USP43: variants seen among roughly 807,000 people sequenced by gnomAD.
The protein encoded by USP43 is ubiquitin carboxyl-terminal hydrolase 43.
USP43 carries 33 observed loss-of-function variants against 90.7 expected under a neutral mutation model. The observed-to-expected ratio is 0.36, with a 90% CI of 0.28 to 0.49. USP43 has a LOEUF of 0.49. USP43 is among the 20% of genes least tolerant of loss of function. The pLI, the probability that USP43 is intolerant of heterozygous loss-of-function variation, is 0.98. For synonymous variants in USP43, 598 were observed against 615.8 expected (o/e 0.97, Z 0.43); for missense variants, 1,274 against 1,476.4 (o/e 0.86, Z 2.25).
chr17:9,654,142 A>G (rs1436216165), intron 1 of USP43, among the ~76,000 whole-genome samples: 1 of 152,212 alleles, frequency 6.6e-6, no homozygotes, highest in Non-Finnish European at 1.5e-5. Context: ...GGGTTGCCAG[A>G]TGAAAAATAT....
chr17:9,680,201 C>T, intron 5 of USP43, 30 bp from the exon 6 acceptor site: 1 of 1,604,474 alleles, frequency 6.2e-7, no homozygotes, highest in Non-Finnish European at 8.5e-7. Flanking sequence ...TTTCAGAAAT[C>T]AAGAGGGAAA....
intron 1 of USP43, among the ~76,000 whole-genome samples, chr17:9,650,935 G>A (rs750501846): frequency 2.6e-5 from 4 of 152,092 alleles, no homozygotes; most frequent in Non-Finnish European, 4.4e-5. Context: ...GTGCACCCGA[G>A]CAATGGACAC....
Position 9,659,856 on chromosome 17 carries a change from C to T in USP43, c.636+3322C>T, listed in dbSNP as rs188997760. Among the ~76,000 whole-genome samples the T allele has an allele frequency of 3.7e-3, 563 of 152,224 alleles. 8 individuals are homozygous for T. The highest frequency in any genetic ancestry group is 0.029 in the Admixed American group (449 of 15,292). On this transcript the variant is annotated intron_variant, in intron 2 of 14. Coordinates refer to ENST00000285199, the MANE Select transcript of USP43 (RefSeq NM_153210.5). ...TTCAACACTGTTGGATGTTTGTGGC[C>T]GTTTGATTCTTTTCTGAGAACGGCT...
chr17:9,657,260 A>G (rs999305813), intron 2 of USP43, among the ~76,000 whole-genome samples: 4 of 152,152 alleles, frequency 2.6e-5, no homozygotes, highest in Non-Finnish European at 4.4e-5. Context: ...TAATCCCAGC[A>G]CTTTGGAAGG....
chr17:9,654,051 A>G (rs1249333869), intron 1 of USP43, among the ~76,000 whole-genome samples: 1 of 152,130 alleles, frequency 6.6e-6, no homozygotes, highest in Non-Finnish European at 1.5e-5. Context: ...GGTTTTAGAG[A>G]TTTTGAGTTG....
chr17:9,665,518 C>T (rs1010349032), intron 2 of USP43, among the ~76,000 whole-genome samples: 9 of 152,062 alleles, frequency 5.9e-5, no homozygotes, highest in East Asian at 1.9e-4. Flanking sequence ...CTCACTAACA[C>T]GAGAACAGCA....
At chr17:9,706,237 A>G (rs1435857435) in intron 12 of USP43, among the ~76,000 whole-genome samples, 1 of 152,170 alleles carries the variant, frequency 6.6e-6, no homozygotes, top group Non-Finnish European at 1.5e-5. Flanking sequence ...TTAATGTACT[A>G]TGAGATTCAC....
Position 9,681,462 on chromosome 17 carries a change from T to TTTTTTATATA in USP43, c.1105+1097_1105+1098insTTTTATATAT, listed in dbSNP as rs1491455898. ...TATAGATAAATATATATAAAATATA[T>TTTTTTATATA]TATATATATATATATATATATATAT... On this transcript the variant is annotated intron_variant, in intron 6 of 14. Transcript: ENST00000285199. Among the ~76,000 whole-genome samples the TTTTTTATATA allele has an allele frequency of 4.6e-3, 86 of 18,574 alleles. 3 individuals are homozygous for TTTTTTATATA. The highest frequency in any genetic ancestry group is 0.015 in the East Asian group (4 of 272). 12.2% of individuals were successfully genotyped at this position (18,574 alleles called of 152,430 possible).
chr17:9,693,182 A>T lies in USP43; in HGVS notation c.1409A>T (p.Tyr470Phe). Residue 470 changes from tyrosine (Y) to phenylalanine (F), a missense_variant, in exon 9 of 15, where the codon TAT becomes TTT. Around this residue, in one of 6 missense-constraint regions of USP43, gnomAD observed 253 missense variants for 276.0 expected, o/e 0.92. Coordinates refer to ENST00000285199, the MANE Select transcript of USP43 (RefSeq NM_153210.5). The stretch of plus-strand genomic sequence containing the variant: ...GTGGGACTCTCTGTGGCCTGCAGCT[A>T]TTTGTCTCCGAAGGACAGTCGGCCC... ...RVVGLSVACS[Y>F]LSPKDSRPLC... 1.2e-6 allele frequency: 2 copies of T among 1,613,488 alleles called. No individual in the cohort carries two copies. The highest frequency in any genetic ancestry group is 1.7e-6 in the Non-Finnish European group (2 of 1,179,788).
At chr17:9,656,980 T>C (rs1208907784) in intron 2 of USP43, among the ~76,000 whole-genome samples, 1 of 152,204 alleles carries the variant, frequency 6.6e-6, no homozygotes, top group African/African-American at 2.4e-5. Flanking sequence ...TTTTTACACA[T>C]GTGCATTTAG....
intron 14 of USP43, among the ~76,000 whole-genome samples, chr17:9,715,711 CTGTG>C (rs1311500880): frequency 3.6e-4 from 38 of 105,580 alleles, no homozygotes; most frequent in East Asian, 8.4e-4. Flanking sequence ...GTGTGTGTCT[CTGTG>C]TGTGTATGTG....
chr17:9,667,917 G>A (rs1913151969), intron 3 of USP43, among the ~76,000 whole-genome samples: 1 of 152,152 alleles, frequency 6.6e-6, no homozygotes, highest in Non-Finnish European at 1.5e-5. Context: ...TAAAATTTGG[G>A]AAGTTGGGCT....
At chr17:9,703,571 C>T (rs978519174) in intron 12 of USP43, among the ~76,000 whole-genome samples, 1 of 152,146 alleles carries the variant, frequency 6.6e-6, no homozygotes, top group Non-Finnish European at 1.5e-5. Context: ...CACCACCTGC[C>T]AGGAAAGAGC....
In USP43 at chr17:9,728,292, T is replaced by C. The variant is rs763785346; in HGVS notation, c.2674T>C (p.Cys892Arg). 1 of 1,613,122 alleles carries C rather than the reference T, an allele frequency of 6.2e-7. No individual in the cohort carries two copies. The highest frequency in any genetic ancestry group is 1.1e-5 in the South Asian group (1 of 90,886). The change falls in exon 15 of 15, where the codon TGT (cysteine) becomes CGT (arginine). Residue 892 changes from cysteine (C) to arginine (R), a missense_variant. Cys to Arg is a radical substitution (Grantham distance 180, BLOSUM62 -3). Coordinates refer to ENST00000285199, the MANE Select transcript of USP43 (RefSeq NM_153210.5). This position sits in a 1 kb window ranked among gnomAD's most constrained non-coding sequence, Gnocchi z 6.2. The part of the protein sequence containing the change: ...AIERGPAGVP[C>R]PSAQPNHCLA... Reference sequence around the variant, plus strand: ...TGAAAGAGGTCCAGCCGGGGTGCCCTGTCCCTCGGCTCAACCCAACCACTG... The same window carrying C: ...TGAAAGAGGTCCAGCCGGGGTGCCCCGTCCCTCGGCTCAACCCAACCACTG...
In USP43 at chr17:9,701,067, C is replaced by A. The variant is rs1915535514; in HGVS notation, c.1536-52C>A. The A allele has an allele frequency of 2.1e-6, 3 of 1,436,650 alleles. No homozygotes were observed. The highest frequency in any genetic ancestry group is 2.7e-6 in the Non-Finnish European group (3 of 1,092,426). The allele number at this position is 1,436,650 out of a possible 1,614,324, so 89.0% of individuals were successfully genotyped here. Reference sequence around the variant, plus strand: ...GCTGTGAGTAGAGACATAGACGAAACCTGTCTGGGAGCAGGAAAGTCCTGA... The same window carrying A: ...GCTGTGAGTAGAGACATAGACGAAAACTGTCTGGGAGCAGGAAAGTCCTGA... On this transcript the variant is annotated intron_variant, in intron 10 of 14. Transcript: ENST00000285199. This position sits in a 1 kb window ranked among gnomAD's most constrained non-coding sequence, Gnocchi z 7.2.
intron 1 of USP43, chr17:9,647,743 G>T (rs1355258468): frequency 6.6e-6 from 1 of 151,350 alleles, no homozygotes; most frequent in Non-Finnish European, 1.5e-5. Flanking sequence ...GGTGGCTCAC[G>T]CCTGTAATCC....
chr17:9,661,780 C>T (rs80007540), intron 2 of USP43, among the ~76,000 whole-genome samples: 7,863 of 152,166 alleles, frequency 0.052, 609 homozygotes, highest in African/African-American at 0.17. Flanking sequence ...CCTGCTGCCC[C>T]TCACTCCAGC....
intron 1 of USP43, among the ~76,000 whole-genome samples, chr17:9,651,437 A>C (rs951376248): frequency 1.3e-5 from 2 of 151,842 alleles, no homozygotes; most frequent in African/African-American, 4.8e-5. Flanking sequence ...GAGCCACTTT[A>C]CCCAGCCCAT....
chr17:9,718,919 C>A (rs1916768616), intron 14 of USP43, among the ~76,000 whole-genome samples: 1 of 151,956 alleles, frequency 6.6e-6, no homozygotes, highest in Non-Finnish European at 1.5e-5. Context: ...TTTGACTTGT[C>A]CTGGCTGGAC....
Sources: gnomAD v4.1 joint callset for allele counts (sites outside exome capture counted in the v4.1 genomes callset) on GRCh38, gnomAD v4.1.1 for gene constraint, gnomAD v4.1.1 regional missense constraint, Gnocchi (gnomAD v3.1) non-coding constraint, MANE v1.5 for transcripts, NCBI Gene and HGNC (gene_info 2026-07-23, HGNC 2026-07-21) for gene names.